Variants in NBAS observed in about 807,000 individuals in gnomAD.
NBAS encodes NAG/BC035112 fusion.
Under a neutral mutation model 302.5 loss-of-function variants are expected in NBAS, and 219 were observed. That is an observed-to-expected ratio of 0.72 (90% confidence interval 0.65 to 0.81). The LOEUF (loss-of-function observed/expected upper bound fraction) is 0.81, where lower values mean the gene tolerates loss of function less well. Among genes scored for constraint, NBAS ranks in the 30% least tolerant of loss-of-function variants. The probability of loss-of-function intolerance (pLI) is 0.00; values close to 1 mark genes in which losing one functional copy is unlikely to be tolerated. For missense variants in NBAS, 2,932 were observed against 2,841.6 expected (o/e 1.03, Z -0.72); for synonymous variants, 1,118 against 1,021.6 (o/e 1.09, Z -1.80).
chr2:15,474,884 C>T (rs1264540190), intron 14 of NBAS, among the ~76,000 whole-genome samples: 1 of 152,090 alleles, frequency 6.6e-6, no homozygotes, highest in Non-Finnish European at 1.5e-5. Context: ...AATAACAGGT[C>T]ATTAATACGG....
At chr2:15,139,515 T>G in the NBAS span, among the ~76,000 whole-genome samples, 2 of 152,150 alleles carry the variant, frequency 1.3e-5, no homozygotes, top group African/African-American at 4.8e-5. Context: ...TGTGTGTGTG[T>G]GTGTGTGTAT....
the NBAS span, among the ~76,000 whole-genome samples, chr2:15,025,819 C>T: frequency 6.6e-6 from 1 of 152,104 alleles, no homozygotes; most frequent in South Asian, 2.1e-4. Context: ...ATTTTGTATC[C>T]TGAAACTTCA....
At chr2:14,995,320 T>C in the NBAS span, among the ~76,000 whole-genome samples, 2 of 152,188 alleles carry the variant, frequency 1.3e-5, no homozygotes, top group Non-Finnish European at 2.9e-5. Flanking sequence ...GTTTGGTTTT[T>C]TGTCCTTGCG....
the NBAS span, among the ~76,000 whole-genome samples, chr2:15,131,565 G>T: frequency 6.6e-6 from 1 of 152,060 alleles, no homozygotes. Context: ...TGGTAAGCAT[G>T]AATTATTTTC....
chr2:15,367,160 C>T (rs1674251297), intron 31 of NBAS, among the ~76,000 whole-genome samples: 1 of 152,154 alleles, frequency 6.6e-6, no homozygotes, highest in African/African-American at 2.4e-5. Flanking sequence ...AAAGTGCTCA[C>T]TGTTGCAATT....
chr2:15,400,286 C>T (rs535755190), intron 26 of NBAS, among the ~76,000 whole-genome samples: 11 of 150,280 alleles, frequency 7.3e-5, no homozygotes, highest in African/African-American at 2.2e-4. Context: ...ATAGTTTTCA[C>T]GACTGCAAGT....
chr2:14,969,903 G>C, the NBAS span, among the ~76,000 whole-genome samples: 5 of 152,130 alleles, frequency 3.3e-5, no homozygotes, highest in South Asian at 6.2e-4. Context: ...AGACTATAAA[G>C]ACATCAGAAG....
the NBAS span, among the ~76,000 whole-genome samples, chr2:15,131,770 A>G: frequency 1.3e-5 from 2 of 152,204 alleles, no homozygotes; most frequent in African/African-American, 4.8e-5. Context: ...CAGGATGTAC[A>G]AGCATGGCCC....
intron 35 of NBAS, among the ~76,000 whole-genome samples, chr2:15,341,321 G>A (rs1441475634): frequency 6.6e-6 from 1 of 152,082 alleles, no homozygotes; most frequent in Admixed American, 6.6e-5. Context: ...AGGAGGCGGA[G>A]GTTGCAGTAA....
Position 15,218,845 on chromosome 2 carries a change from A to T in NBAS, c.6360T>A (p.Thr2120=), listed in dbSNP as rs1466512095. 2 of 1,614,152 alleles carry T rather than the reference A, an allele frequency of 1.2e-6. No homozygotes were observed. Among genetic ancestry groups the T allele is most frequent in the Non-Finnish European group, 1.7e-6 (2 of 1,180,060 alleles). Residue 2120 remains threonine (T), a synonymous_variant, in exon 48 of 52, where the codon ACT becomes ACA. Transcript: ENST00000281513. ...ACACGAGGAGCTTGCTGTCCTCCTC[A>T]GTCAGGTGAAATGATTGCCCCAAAA... ...LQILGQSFHL[T]EEDSKLLVFF...
the NBAS span, among the ~76,000 whole-genome samples, chr2:15,047,105 A>G: frequency 6.6e-6 from 1 of 152,250 alleles, no homozygotes; most frequent in African/African-American, 2.4e-5. Context: ...AGCTTGATTC[A>G]GGCAGTAGAG....
chr2:15,445,199 T>C (rs1341996579), intron 21 of NBAS, among the ~76,000 whole-genome samples: 1 of 150,628 alleles, frequency 6.6e-6, no homozygotes, highest in Non-Finnish European at 1.5e-5. Flanking sequence ...TAAAGACACA[T>C]GCACATGTAT....
chr2:15,307,726 A>C (rs1052486024), intron 40 of NBAS, among the ~76,000 whole-genome samples: 2 of 152,296 alleles, frequency 1.3e-5, no homozygotes, highest in Admixed American at 1.3e-4. Flanking sequence ...AGTTACATAA[A>C]AGCTGTCTGA....
In NBAS at chr2:15,351,870, GCACACACA is replaced by G. The variant is rs10605991; in HGVS notation, c.4179+114_4179+121del. 8,708 of 695,480 alleles carry G rather than the reference GCACACACA, an allele frequency of 0.013. 203 individuals are homozygous for G. Among genetic ancestry groups the G allele is most frequent in the African/African-American group, 0.094 (5,214 of 55,248 alleles). The allele number at this position is 695,480 out of a possible 1,614,324, so 43.1% of individuals were successfully genotyped here. A position where few individuals can be genotyped will look rare whatever the true frequency, so the allele number is the denominator to read the frequency against. Reference sequence around the variant, plus strand: ...AGCTGAAAAGAAAAGTGGTCTGCATGCACACACACACACACACACACACACACACACAC... The same window carrying G: ...AGCTGAAAAGAAAAGTGGTCTGCATGCACACACACACACACACACACACAC... On this transcript the variant is annotated intron_variant, in intron 35 of 51. Coordinates refer to ENST00000281513, the MANE Select transcript of NBAS (RefSeq NM_015909.4).
chr2:15,469,821 A>G (rs1170240222), intron 16 of NBAS, among the ~76,000 whole-genome samples: 3 of 116,946 alleles, frequency 2.6e-5, no homozygotes, highest in Non-Finnish European at 4.9e-5. Flanking sequence ...GGAACATCAC[A>G]CACCGGGGCC....
the NBAS span, among the ~76,000 whole-genome samples, chr2:14,969,189 C>A: frequency 6.6e-6 from 1 of 152,012 alleles, no homozygotes; most frequent in East Asian, 1.9e-4. Context: ...TTGCTTAGGG[C>A]TGAAGAAAAT....
chr2:15,382,197 T>C lies in NBAS; in HGVS notation c.3360+1018A>G, dbSNP rs531339295. On this transcript the variant is annotated intron_variant, in intron 29 of 51. Coordinates refer to ENST00000281513, the MANE Select transcript of NBAS (RefSeq NM_015909.4). ...TGATACTCTGCCTCTGACTTGGCAATTGGACACACGCGTGCACGCACACAC... is the reference window on the plus strand; with the variant it reads ...TGATACTCTGCCTCTGACTTGGCAACTGGACACACGCGTGCACGCACACAC... Among the ~76,000 whole-genome samples, 17 of 152,250 alleles carry C rather than the reference T, an allele frequency of 1.1e-4. No homozygotes were observed. The East Asian group carries it at 3.1e-3, about 28-fold the overall frequency.
intron 45 of NBAS, among the ~76,000 whole-genome samples, chr2:15,237,012 GC>G: frequency 6.6e-6 from 1 of 152,154 alleles, no homozygotes; most frequent in Non-Finnish European, 1.5e-5. Context: ...GATCTTTCTA[GC>G]CATTCTACAA....
the NBAS span, among the ~76,000 whole-genome samples, chr2:15,004,102 G>C: frequency 7.2e-5 from 11 of 152,090 alleles, no homozygotes; most frequent in Non-Finnish European, 1.0e-4. Flanking sequence ...GCACAATCTC[G>C]CATTATCTTC....
Sources: allele counts gnomAD v4.1 joint callset (sites outside exome capture counted in the v4.1 genomes callset), GRCh38; gene constraint gnomAD v4.1.1; transcripts MANE v1.5; gene names NCBI Gene and HGNC (gene_info 2026-07-23, HGNC 2026-07-21).